PTPRD: variants seen among roughly 807,000 people sequenced by gnomAD.
The protein encoded by PTPRD is receptor-type tyrosine-protein phosphatase delta.
PTPRD carries 34 observed loss-of-function variants against 214.5 expected under a neutral mutation model. That is an observed-to-expected ratio of 0.16 (90% CI 0.12 to 0.21). The LOEUF is 0.21. Among genes scored for constraint, PTPRD ranks in the 10% least tolerant of loss-of-function variants. The pLI, the probability that PTPRD is intolerant of heterozygous loss-of-function variation, is 1.00. For missense variants in PTPRD, 2,545 were observed against 2,398.7 expected (o/e 1.06, Z -1.27); for synonymous variants, 1,128 against 845.7 (o/e 1.33, Z -5.79).
At chr9:10,309,287 T>A (rs1422787314) in intron 3 of PTPRD, among the ~76,000 whole-genome samples, 1 of 152,042 alleles carries the variant, frequency 6.6e-6, no homozygotes, top group East Asian at 1.9e-4. Flanking sequence ...AATGGCTTAT[T>A]AATTTCATAA....
intron 10 of PTPRD, among the ~76,000 whole-genome samples, chr9:9,135,193 CAT>C (rs1389392090): frequency 2.0e-5 from 3 of 152,208 alleles, no homozygotes; most frequent in African/African-American, 7.2e-5. Context: ...AGAGAGGACT[CAT>C]GTCTTTCCAC....
intron 4 of PTPRD, among the ~76,000 whole-genome samples, chr9:9,943,835 T>A (rs1268909059): frequency 6.6e-6 from 1 of 152,114 alleles, no homozygotes; most frequent in African/African-American, 2.4e-5. Flanking sequence ...ATTCTTTTTT[T>A]CCAAGCTGCT....
At chr9:8,425,480 G>A (rs767264683) in intron 35 of PTPRD, among the ~76,000 whole-genome samples, 1 of 152,066 alleles carries the variant, frequency 6.6e-6, no homozygotes, top group Non-Finnish European at 1.5e-5. Flanking sequence ...GAATATGTTG[G>A]GAACCCCTGA....
At chr9:10,244,332 G>A (rs2091699462) in intron 3 of PTPRD, among the ~76,000 whole-genome samples, 1 of 152,066 alleles carries the variant, frequency 6.6e-6, no homozygotes, top group Admixed American at 6.6e-5. Flanking sequence ...GATTTATGCA[G>A]TCTGCCTCTC....
intron 9 of PTPRD, among the ~76,000 whole-genome samples, chr9:9,326,520 A>C (rs1444056785): frequency 6.6e-6 from 1 of 152,124 alleles, no homozygotes; most frequent in Non-Finnish European, 1.5e-5. Context: ...AGGGGTAATA[A>C]TTATAATTAG....
intron 11 of PTPRD, 73 bp from the exon 12 acceptor site, chr9:8,734,019 CT>C (rs1386648538): frequency 2.2e-5 from 14 of 622,646 alleles, no homozygotes; most frequent in East Asian, 8.3e-5. Context: ...TCTTTCCCCC[CT>C]GGTTCCATCA....
At chr9:9,032,009 T>G (rs2099607121) in intron 10 of PTPRD, among the ~76,000 whole-genome samples, 1 of 138,214 alleles carries the variant, frequency 7.2e-6, no homozygotes, top group African/African-American at 2.5e-5. Context: ...TTATTTGAAC[T>G]CCTGTAATCT....
intron 12 of PTPRD, among the ~76,000 whole-genome samples, chr9:8,710,102 C>T (rs757997431): frequency 2.6e-5 from 4 of 152,264 alleles, no homozygotes; most frequent in Admixed American, 2.0e-4. Context: ...AAGCAAGGTG[C>T]ACGCACATCC....
chr9:9,530,967 G>C (rs2075334664), intron 8 of PTPRD, among the ~76,000 whole-genome samples: 1 of 152,120 alleles, frequency 6.6e-6, no homozygotes, highest in Non-Finnish European at 1.5e-5. Flanking sequence ...AAGTTTTAAT[G>C]TCTGATAGTA....
chr9:8,968,115 C>A (rs564688120), intron 11 of PTPRD, among the ~76,000 whole-genome samples: 1 of 151,824 alleles, frequency 6.6e-6, no homozygotes, highest in East Asian at 1.9e-4. Flanking sequence ...TAGTATTCCA[C>A]GGTGTATATG....
chr9:10,010,194 GAAAAGA>G (rs1336332754), intron 4 of PTPRD, among the ~76,000 whole-genome samples: 1 of 151,760 alleles, frequency 6.6e-6, no homozygotes, highest in African/African-American at 2.4e-5. Context: ...CTAGAAATTG[GAAAAGA>G]AACTGCAATC....
chr9:9,721,280 C>G (rs1276678014), intron 7 of PTPRD, among the ~76,000 whole-genome samples: 1 of 152,132 alleles, frequency 6.6e-6, no homozygotes, highest in East Asian at 1.9e-4. Context: ...TGTTCATTCC[C>G]ACCAAATATA....
At chr9:8,572,480 A>G (rs1481530474) in intron 14 of PTPRD, among the ~76,000 whole-genome samples, 1 of 152,100 alleles carries the variant, frequency 6.6e-6, no homozygotes, top group Non-Finnish European at 1.5e-5. Flanking sequence ...TCACTTAGGG[A>G]AAAAAGCAAT....
intron 4 of PTPRD, among the ~76,000 whole-genome samples, chr9:10,009,241 T>C (rs1449144543): frequency 6.6e-6 from 1 of 152,006 alleles, no homozygotes; most frequent in African/African-American, 2.4e-5. Context: ...TAAAAAGGTT[T>C]ATTCTGAGCC....
intron 3 of PTPRD, among the ~76,000 whole-genome samples, chr9:10,193,115 A>G (rs1368792172): frequency 1.3e-5 from 2 of 151,914 alleles, no homozygotes; most frequent in Non-Finnish European, 2.9e-5. Flanking sequence ...TCAATTTCCC[A>G]TTCCCTCCTT....
At chr9:9,852,625 C>A (rs73643805) in intron 5 of PTPRD, among the ~76,000 whole-genome samples, 4,089 of 151,918 alleles carry the variant, frequency 0.027, 173 homozygotes, top group African/African-American at 0.087. Context: ...TTCATATAAT[C>A]CTTTATATTG....
chr9:9,991,360 CT>C (rs35294285), intron 4 of PTPRD, among the ~76,000 whole-genome samples: 4,626 of 150,070 alleles, frequency 0.031, 131 homozygotes, highest in Admixed American at 0.092. Context: ...TCAAAATATA[CT>C]TTTTTTTTTC....
chr9:10,607,787 A>G (rs1197528356), intron 2 of PTPRD, among the ~76,000 whole-genome samples: 1 of 152,022 alleles, frequency 6.6e-6, no homozygotes, highest in East Asian at 1.9e-4. Flanking sequence ...TTTAAAATTA[A>G]CATTGCATAT....
At chr9:9,591,688 T>A (rs1312670942) in intron 7 of PTPRD, among the ~76,000 whole-genome samples, 2 of 152,092 alleles carry the variant, frequency 1.3e-5, no homozygotes, top group Admixed American at 6.6e-5. Context: ...TCAGTTTTAA[T>A]TGACACATAA....
Sources: gnomAD v4.1 joint callset for allele counts (sites outside exome capture counted in the v4.1 genomes callset) on GRCh38, gnomAD v4.1.1 for gene constraint, MANE v1.5 for transcripts, NCBI Gene and HGNC (gene_info 2026-07-23, HGNC 2026-07-21) for gene names.